Variants in FMNL2 observed in about 807,000 individuals in gnomAD.
FMNL2 encodes formin-like protein 2.
In FMNL2, 51 loss-of-function variants were observed where a neutral mutation model predicts 130.2. The observed-to-expected ratio is 0.39, with a 90% confidence interval of 0.31 to 0.49. The LOEUF (loss-of-function observed/expected upper bound fraction) is 0.49. Ranked by LOEUF, FMNL2 falls within the 20% of genes least tolerant of loss-of-function variation. The pLI is 0.85. For missense variants in FMNL2, 977 were observed against 1,316.2 expected (o/e 0.74, Z 3.99); for synonymous variants, 465 against 467.1 (o/e 1.00, Z 0.06).
At chr2:152,551,944 G>A (rs1450236498) in intron 4 of FMNL2, among the ~76,000 whole-genome samples, 1 of 152,202 alleles carries the variant, frequency 6.6e-6, no homozygotes, top group African/African-American at 2.4e-5. Context: ...ATGAGTTCGA[G>A]GCTGCAGTGA....
intron 1 of FMNL2, among the ~76,000 whole-genome samples, chr2:152,463,434 GT>G (rs1689357739): frequency 6.6e-6 from 1 of 152,102 alleles, no homozygotes; most frequent in South Asian, 2.1e-4. Flanking sequence ...AACCAAGGTG[GT>G]TTTGCTTCAA....
chr2:152,589,881 C>T (rs1374359619), intron 9 of FMNL2, among the ~76,000 whole-genome samples: 1 of 148,174 alleles, frequency 6.7e-6, no homozygotes, highest in Non-Finnish European at 1.5e-5. Flanking sequence ...GTGGTCCTCC[C>T]ACCTCAGCCT....
At chr2:152,570,019 A>AAAAT (rs1696090518) in intron 6 of FMNL2, among the ~76,000 whole-genome samples, 2 of 131,496 alleles carry the variant, frequency 1.5e-5, no homozygotes, top group South Asian at 4.9e-4. Context: ...TCAAAAAAAA[A>AAAAT]AGAAAAGAAA....
intron 21 of FMNL2, 137 bp downstream of exon 21, chr2:152,632,274 C>T (rs1682226011): frequency 8.5e-6 from 10 of 1,182,260 alleles, no homozygotes; most frequent in Non-Finnish European, 9.4e-6. Flanking sequence ...TGAGCTGGAA[C>T]ACATCGGCCG....
chr2:152,355,844 T>C (rs1682750171), intron 1 of FMNL2, among the ~76,000 whole-genome samples: 1 of 152,232 alleles, frequency 6.6e-6, no homozygotes, highest in African/African-American at 2.4e-5. Context: ...GGACATATTC[T>C]TAACAAAATA....
chr2:152,364,261 G>GTTTTTTTTTTTTT (rs869062341), intron 1 of FMNL2, among the ~76,000 whole-genome samples: 1 of 24,472 alleles, frequency 4.1e-5, no homozygotes, highest in African/African-American at 1.3e-4. Flanking sequence ...AGGTTTGTGT[G>GTTTTTTTTTTTTT]TTTTTTTTTT....
intron 7 of FMNL2, among the ~76,000 whole-genome samples, chr2:152,577,392 A>C (rs1012789882): frequency 6.6e-6 from 1 of 152,142 alleles, no homozygotes; most frequent in Non-Finnish European, 1.5e-5. Flanking sequence ...TAGACATTCA[A>C]ATGGTGATCT....
intron 1 of FMNL2, among the ~76,000 whole-genome samples, chr2:152,469,877 A>G (rs1348393942): frequency 1.3e-5 from 2 of 152,312 alleles, no homozygotes; most frequent in African/African-American, 2.4e-5. Flanking sequence ...CAGTAATTCT[A>G]TGGTGTGCCG....
At chr2:152,336,923 A>G (rs1483118108) in intron 1 of FMNL2, among the ~76,000 whole-genome samples, 1 of 152,170 alleles carries the variant, frequency 6.6e-6, no homozygotes, top group Non-Finnish European at 1.5e-5. Context: ...GAACTTTGGC[A>G]GAGGACTCGA....
intron 6 of FMNL2, among the ~76,000 whole-genome samples, chr2:152,566,613 A>G (rs1295358647): frequency 6.6e-6 from 1 of 152,216 alleles, no homozygotes; most frequent in African/African-American, 2.4e-5. Context: ...CTTAGTTTGT[A>G]AAGGGTGCCT....
At chr2:152,412,447 TATATATATATATATATATATATATATA>T (rs1232754429) in intron 1 of FMNL2, among the ~76,000 whole-genome samples, 46 of 8,266 alleles carry the variant, frequency 5.6e-3, no homozygotes, top group Non-Finnish European at 0.013. Flanking sequence ...CTGTATATTT[TATATATATATATATATATATATATATA>T]TATATATATA....
chr2:152,441,890 T>G (rs908752534), intron 1 of FMNL2, among the ~76,000 whole-genome samples: 9 of 151,822 alleles, frequency 5.9e-5, no homozygotes, highest in African/African-American at 1.7e-4. Flanking sequence ...AGATGAGAAC[T>G]GCAATAGGAA....
intron 2 of FMNL2, among the ~76,000 whole-genome samples, chr2:152,526,430 T>G (rs1438845377): frequency 6.6e-6 from 1 of 152,120 alleles, no homozygotes; most frequent in Non-Finnish European, 1.5e-5. Flanking sequence ...TAGTCTGCCT[T>G]TTAGCCCTGT....
chr2:152,540,243 T>C (rs1236021087), intron 2 of FMNL2, among the ~76,000 whole-genome samples: 1 of 152,196 alleles, frequency 6.6e-6, no homozygotes, highest in Non-Finnish European at 1.5e-5. Context: ...TCTGAGCTTC[T>C]TGTGATTATT....
chr2:152,356,724 TTTTGCACTTTTGTGC>T (rs1682810374), intron 1 of FMNL2, among the ~76,000 whole-genome samples: 1 of 102,754 alleles, frequency 9.7e-6, no homozygotes, highest in Non-Finnish European at 1.9e-5. Context: ...GTGCCACACT[TTTTGCACTTTTGTGC>T]TTTTTTTTTT....
At chr2:152,517,397 G>A (rs1342593256) in intron 1 of FMNL2, among the ~76,000 whole-genome samples, 1 of 152,106 alleles carries the variant, frequency 6.6e-6, no homozygotes, top group Non-Finnish European at 1.5e-5. Context: ...TGTGCCATAC[G>A]TTGATGGTTA....
rs1002707188 is a variant in FMNL2, at chr2:152,649,392, T to G, written c.*1487T>G. ...TTAACTTATAGTTTTTTTTAATATA[T>G]ATATTTAACTATAAGGACAGTTTAG... On this transcript the variant is annotated 3_prime_UTR_variant, in exon 26 of 26. Coordinates refer to ENST00000288670, the MANE Select transcript of FMNL2 (RefSeq NM_052905.4). 1 of 152,462 alleles carries G rather than the reference T, an allele frequency of 6.6e-6. No homozygotes were observed. The highest frequency in any genetic ancestry group is 1.5e-5 in the Non-Finnish European group (1 of 68,016). 9.4% of individuals were successfully genotyped at this position (152,462 alleles called of 1,614,324 possible).
intron 1 of FMNL2, among the ~76,000 whole-genome samples, chr2:152,499,087 TA>T (rs1691670373): frequency 6.6e-6 from 1 of 152,168 alleles, no homozygotes; most frequent in African/African-American, 2.4e-5. Flanking sequence ...CAAGTGTTAG[TA>T]AAGAGCTTTT....
chr2:152,411,716 A>G (rs1179333805), intron 1 of FMNL2, among the ~76,000 whole-genome samples: 1 of 152,200 alleles, frequency 6.6e-6, no homozygotes, highest in African/African-American at 2.4e-5. Flanking sequence ...TTTCACTCCC[A>G]TTAAATCTTA....
Sources: gnomAD v4.1 joint callset for allele counts (sites outside exome capture counted in the v4.1 genomes callset) on GRCh38, gnomAD v4.1.1 for gene constraint, MANE v1.5 for transcripts, NCBI Gene and HGNC (gene_info 2026-07-23, HGNC 2026-07-21) for gene names.